The following FHIP1A variants were observed in gnomAD, a reference collection of about 807,000 sequenced individuals.
FHIP1A encodes the protein FHF complex subunit HOOK-interacting protein 1A.
Under a neutral mutation model 88.6 loss-of-function variants are expected in FHIP1A, and 61 were observed. The observed-to-expected ratio is 0.69, with a 90% CI of 0.56 to 0.85. The LOEUF is 0.85. Among genes scored for constraint, FHIP1A ranks in the 40% least tolerant of loss-of-function variants. The probability of loss-of-function intolerance (pLI) is 0.00; values close to 1 mark genes in which losing one functional copy is unlikely to be tolerated. For synonymous variants in FHIP1A, 478 were observed against 496.0 expected, an observed-to-expected ratio of 0.96 and a Z score of 0.48; for missense variants, 1,154 against 1,273.5, an observed-to-expected ratio of 0.91 and a Z score of 1.43.
At chr4:151,449,611 A>G (rs1728724363) in intron 1 of FHIP1A, among the ~76,000 whole-genome samples, 1 of 152,120 alleles carries the variant, frequency 6.6e-6, no homozygotes, top group African/African-American at 2.4e-5. Flanking sequence ...CCACTGTGCA[A>G]TAGAACACAG....
intron 3 of FHIP1A, among the ~76,000 whole-genome samples, chr4:151,525,864 G>C (rs1440141707): frequency 1.3e-5 from 2 of 151,538 alleles, no homozygotes; most frequent in African/African-American, 2.4e-5. Flanking sequence ...TTAAACAAGT[G>C]AACAAAGGTC....
chr4:151,535,239 C>A (rs1202326681), intron 3 of FHIP1A, among the ~76,000 whole-genome samples: 2 of 152,100 alleles, frequency 1.3e-5, no homozygotes, highest in African/African-American at 4.8e-5. Flanking sequence ...AAGGAAATTC[C>A]TTGCACAGTG....
Position 151,629,858 on chromosome 4 carries a change from AC to A in FHIP1A, c.1139del (p.Pro380ArgfsTer23), listed in dbSNP as rs1471839283. 6.4e-7 allele frequency: 1 copy of A among 1,550,790 alleles called. No individual in the cohort carries two copies. The highest frequency in any genetic ancestry group is 1.4e-5 in the African/African-American group (1 of 72,930). ...AGACACTCTCACGAGTCGAATCAACACCCCGTTTCGGGTAAGGAGAGCGCCA... is the reference window on the plus strand; with the variant it reads ...AGACACTCTCACGAGTCGAATCAACACCCGTTTCGGGTAAGGAGAGCGCCA... ...ILDTLTSRIN[T>X]PFRLCVVSLA... On this transcript the variant is annotated frameshift_variant, in exon 8 of 14. Coordinates refer to ENST00000435205, the MANE Select transcript of FHIP1A (RefSeq NM_001109977.3). LOFTEE classifies it high-confidence loss of function.
Position 151,577,958 on chromosome 4 carries a change from T to C in FHIP1A, c.614T>C (p.Ile205Thr). Residue 205 changes from isoleucine (I) to threonine (T), a missense_variant, in exon 5 of 14, where the codon ATT (isoleucine) becomes ACT (threonine). Coordinates refer to ENST00000435205, the MANE Select transcript of FHIP1A (RefSeq NM_001109977.3). ...ATCTTCTCCCTTCTGATTCCCTTCA[T>C]TCACCGAGAGGGGTCAGTAGGCCAG... Reference protein sequence around the residue: ...FLIFSLLIPFIHREGSVGQQA... With the variant: ...FLIFSLLIPFTHREGSVGQQA... 1 of 1,551,496 alleles carries C rather than the reference T, an allele frequency of 6.4e-7. No individual in the cohort carries two copies. The highest frequency in any genetic ancestry group is 8.7e-7 in the Non-Finnish European group (1 of 1,146,960).
At chr4:151,574,877 A>G (rs936883436) in intron 4 of FHIP1A, among the ~76,000 whole-genome samples, 35 of 151,880 alleles carry the variant, frequency 2.3e-4, no homozygotes, top group African/African-American at 6.5e-4. Context: ...TTTTGATTCT[A>G]ATTCTCTTAT....
rs562447575 is a variant in FHIP1A, at chr4:151,606,566, T to C, written c.978+17640T>C. Among the ~76,000 whole-genome samples the C allele has an allele frequency of 2.0e-5, 3 of 152,346 alleles. No individual in the cohort carries two copies. The East Asian group carries it at 5.8e-4, about 29-fold the overall frequency. The stretch of plus-strand genomic sequence containing the variant: ...CTCTGGGGTGAACCAAACTAAAAGA[T>C]ACAGAGGAATACTTTTTTTGATATC... On this transcript the variant is annotated intron_variant, in intron 7 of 13. Coordinates refer to ENST00000435205, the MANE Select transcript of FHIP1A (RefSeq NM_001109977.3).
chr4:151,589,214 G>A (rs1734334534), intron 7 of FHIP1A, among the ~76,000 whole-genome samples: 1 of 152,218 alleles, frequency 6.6e-6, no homozygotes, highest in African/African-American at 2.4e-5. Context: ...TTCGTGGGCA[G>A]TGGCAACTTG....
chr4:151,589,236 A>G (rs1397254580), intron 7 of FHIP1A, among the ~76,000 whole-genome samples: 2 of 152,178 alleles, frequency 1.3e-5, no homozygotes, highest in Non-Finnish European at 2.9e-5. Context: ...AACTGTCAAG[A>G]TGTTCTCCAA....
At chr4:151,477,291 A>G (rs1729743101) in intron 2 of FHIP1A, among the ~76,000 whole-genome samples, 1 of 152,192 alleles carries the variant, frequency 6.6e-6, no homozygotes, top group African/African-American at 2.4e-5. Flanking sequence ...GCTCAGTTCC[A>G]TAACTGAGGG....
intron 4 of FHIP1A, among the ~76,000 whole-genome samples, chr4:151,574,330 A>G (rs1016083000): frequency 6.6e-6 from 1 of 152,236 alleles, no homozygotes; most frequent in South Asian, 2.1e-4. Context: ...AAAAGCTGCT[A>G]AACAGTTTGC....
At position 151,481,833 on chromosome 4, in the gene FHIP1A, G is replaced by A. The variant is rs185397124; in HGVS notation, c.-247-691G>A. On this transcript the variant is annotated intron_variant, in intron 2 of 13. Transcript: ENST00000435205. ...AGTCTCTCTAGATGTTCTTACTGCT[G>A]TCTTGGACACCTCTACGTTTTGTTC... is the stretch of plus-strand genomic sequence containing the variant. Among the ~76,000 whole-genome samples, 6 of 152,208 alleles carry A rather than the reference G, an allele frequency of 3.9e-5. No individual in the cohort carries two copies. In the South Asian group the frequency reaches 6.2e-4, roughly 16 times the overall value.
chr4:151,585,745 A>G (rs1327589315), intron 5 of FHIP1A, among the ~76,000 whole-genome samples: 1 of 152,202 alleles, frequency 6.6e-6, no homozygotes, highest in Non-Finnish European at 1.5e-5. Flanking sequence ...GTAAGTTGAC[A>G]GTTTTGAGTT....
intron 1 of FHIP1A, among the ~76,000 whole-genome samples, chr4:151,438,414 C>G (rs1018461186): frequency 1.3e-5 from 2 of 152,030 alleles, no homozygotes; most frequent in Non-Finnish European, 2.9e-5. Flanking sequence ...ACCTGTCACA[C>G]TACACTAACC....
intron 4 of FHIP1A, chr4:151,577,021 ATTCT>A (rs1294219292): frequency 6.5e-6 from 1 of 154,922 alleles, no homozygotes; most frequent in Non-Finnish European, 1.4e-5. Flanking sequence ...CATCAAAATG[ATTCT>A]TTTTGCATAT....
chr4:151,595,539 G>C (rs1734613930), intron 7 of FHIP1A, among the ~76,000 whole-genome samples: 1 of 152,150 alleles, frequency 6.6e-6, no homozygotes. Context: ...TATTAGGTCT[G>C]CTTGGTCCAG....
chr4:151,599,577 A>G (rs1734783452), intron 7 of FHIP1A, among the ~76,000 whole-genome samples: 1 of 152,200 alleles, frequency 6.6e-6, no homozygotes, highest in Admixed American at 6.5e-5. Flanking sequence ...GAGAAAGGCT[A>G]TTAGAGGCCT....
intron 7 of FHIP1A, among the ~76,000 whole-genome samples, 182 bp from the exon 8 acceptor site, chr4:151,629,520 C>T (rs532371255): frequency 6.6e-6 from 1 of 152,256 alleles, no homozygotes; most frequent in South Asian, 2.1e-4. Flanking sequence ...GCGGAAACAG[C>T]ATGAGGTATT....
intron 5 of FHIP1A, among the ~76,000 whole-genome samples, chr4:151,583,371 CCTT>C (rs1164329747): frequency 2.6e-5 from 4 of 152,194 alleles, no homozygotes; most frequent in Admixed American, 1.3e-4. Context: ...CAGACAATGT[CCTT>C]CTGTTCCGGG....
chr4:151,442,476 T>C (rs574411239), intron 1 of FHIP1A, among the ~76,000 whole-genome samples: 24 of 152,180 alleles, frequency 1.6e-4, no homozygotes, highest in Non-Finnish European at 2.9e-4. Flanking sequence ...TTGCCTCCTC[T>C]CTTGTTCTTC....
Sources: allele counts gnomAD v4.1 joint callset (sites outside exome capture counted in the v4.1 genomes callset), GRCh38; gene constraint gnomAD v4.1.1; transcripts MANE v1.5; gene names NCBI Gene and HGNC (gene_info 2026-07-23, HGNC 2026-07-21).